The following GNA14 variants were observed in gnomAD, a reference collection of about 807,000 sequenced individuals.
GNA14 encodes guanine nucleotide-binding protein subunit alpha-14.
Under a neutral mutation model 42.0 loss-of-function variants are expected in GNA14, and 50 were observed. That is an observed-to-expected ratio of 1.19 (90% CI 0.95 to 1.51). The LOEUF is 1.51. GNA14 is among the 40% of genes most tolerant of loss of function. GNA14 has a pLI of 0.00. For synonymous variants in GNA14, 173 were observed against 163.1 expected, an observed-to-expected ratio of 1.06 and a Z score of -0.46; for missense variants, 473 against 446.2, an observed-to-expected ratio of 1.06 and a Z score of -0.54.
rs1587860897 is a variant in GNA14, at chr9:77,647,944, C to T, written c.-151G>A. On this transcript the variant is annotated 5_prime_UTR_variant, in exon 1 of 7. Coordinates refer to ENST00000341700, the MANE Select transcript of GNA14 (RefSeq NM_004297.4). ...TGAGCTTTGGAGTAAGACGCCTGGA[C>T]CTCCGAGGCTCAATCCCCCTTCGAA... The T allele has an allele frequency of 1.2e-6, 1 of 852,562 alleles. No homozygotes were observed. Among genetic ancestry groups the T allele is most frequent in the East Asian group, 2.9e-5 (1 of 34,816 alleles). The allele number at this position is 852,562 out of a possible 1,614,324, so 52.8% of individuals were successfully genotyped here.
At chr9:77,556,063 G>A (rs1411656150) in intron 1 of GNA14, among the ~76,000 whole-genome samples, 1 of 152,082 alleles carries the variant, frequency 6.6e-6, no homozygotes, top group Non-Finnish European at 1.5e-5. Flanking sequence ...TGGCCAACAT[G>A]GTGAAACCCC....
At chr9:77,478,597 C>T (rs374640798) in intron 2 of GNA14, among the ~76,000 whole-genome samples, 15 of 152,142 alleles carry the variant, frequency 9.9e-5, no homozygotes, top group African/African-American at 2.4e-4. Flanking sequence ...CCTGAGGAAT[C>T]GCCACACTGA....
chr9:77,452,210 CAA>C (rs1835913509), intron 2 of GNA14, among the ~76,000 whole-genome samples: 1 of 152,056 alleles, frequency 6.6e-6, no homozygotes, highest in Non-Finnish European at 1.5e-5. Context: ...TAGGATTCAC[CAA>C]AGTCACCCCT....
At chr9:77,537,358 C>T (rs767093940) in intron 1 of GNA14, among the ~76,000 whole-genome samples, 4 of 152,138 alleles carry the variant, frequency 2.6e-5, no homozygotes, top group Non-Finnish European at 5.9e-5. Flanking sequence ...TGGCTTATCC[C>T]ACTTAACATA....
At chr9:77,542,623 G>A (rs1325949890) in intron 1 of GNA14, among the ~76,000 whole-genome samples, 2 of 152,240 alleles carry the variant, frequency 1.3e-5, no homozygotes, top group African/African-American at 4.8e-5. Flanking sequence ...AGCAGTGATG[G>A]GGCAGCCCAG....
intron 2 of GNA14, among the ~76,000 whole-genome samples, chr9:77,509,510 T>C (rs940990731): frequency 3.3e-5 from 5 of 152,180 alleles, no homozygotes; most frequent in Non-Finnish European, 7.3e-5. Context: ...CCCAGTGAGT[T>C]TTCTAAAAAG....
At chr9:77,505,887 AAAATAGGTT>A (rs1405754592) in intron 2 of GNA14, among the ~76,000 whole-genome samples, 1 of 152,188 alleles carries the variant, frequency 6.6e-6, no homozygotes, top group Non-Finnish European at 1.5e-5. Flanking sequence ...GCCTTGGGTG[AAAATAGGTT>A]AGACCAGCAC....
At chr9:77,454,385 G>T (rs1043357855) in intron 2 of GNA14, among the ~76,000 whole-genome samples, 1 of 152,132 alleles carries the variant, frequency 6.6e-6, no homozygotes, top group African/African-American at 2.4e-5. Flanking sequence ...AGCTTGGGAG[G>T]ATAACCTTTC....
chr9:77,521,134 T>C (rs1160611283), intron 2 of GNA14, among the ~76,000 whole-genome samples: 1 of 152,200 alleles, frequency 6.6e-6, no homozygotes, highest in Non-Finnish European at 1.5e-5. Context: ...CTGCCTAGAA[T>C]TTTGGTGGAG....
intron 2 of GNA14, among the ~76,000 whole-genome samples, chr9:77,485,724 C>G (rs1836648417): frequency 6.6e-6 from 1 of 152,132 alleles, no homozygotes; most frequent in African/African-American, 2.4e-5. Flanking sequence ...CATTAATCTC[C>G]TTGTACATCT....
At chr9:77,601,635 G>A (rs1209825143) in intron 1 of GNA14, among the ~76,000 whole-genome samples, 2 of 152,168 alleles carry the variant, frequency 1.3e-5, no homozygotes, top group Non-Finnish European at 2.9e-5. Flanking sequence ...AGTTTAGGAA[G>A]AGCAGTAAAA....
intron 1 of GNA14, among the ~76,000 whole-genome samples, chr9:77,604,609 T>G (rs1823621338): frequency 6.6e-6 from 1 of 152,138 alleles, no homozygotes; most frequent in Non-Finnish European, 1.5e-5. Flanking sequence ...ATCCTGACCA[T>G]CCACCTTTCA....
intron 3 of GNA14, among the ~76,000 whole-genome samples, chr9:77,433,871 C>G (rs982840728): frequency 3.3e-5 from 5 of 152,198 alleles, no homozygotes; most frequent in Non-Finnish European, 7.3e-5. Context: ...CACTAGAGGA[C>G]AGCACCAGAT....
chr9:77,471,710 G>C (rs915318214), intron 2 of GNA14, among the ~76,000 whole-genome samples: 1 of 152,110 alleles, frequency 6.6e-6, no homozygotes, highest in African/African-American at 2.4e-5. Context: ...CCTGAGACTG[G>C]AAAGCAATCA....
chr9:77,495,379 C>T (rs1410144790), intron 2 of GNA14, among the ~76,000 whole-genome samples: 1 of 152,030 alleles, frequency 6.6e-6, no homozygotes, highest in Non-Finnish European at 1.5e-5. Context: ...GGCTAATTAG[C>T]CCTCTTAGCC....
chr9:77,463,454 C>T (rs1836154098), intron 2 of GNA14, among the ~76,000 whole-genome samples: 1 of 152,228 alleles, frequency 6.6e-6, no homozygotes, highest in East Asian at 1.9e-4. Flanking sequence ...CAGATGCTAA[C>T]CTTTGCTTTT....
At chr9:77,546,232 A>G (rs1837718786) in intron 1 of GNA14, among the ~76,000 whole-genome samples, 1 of 151,552 alleles carries the variant, frequency 6.6e-6, no homozygotes, top group Admixed American at 6.6e-5. Context: ...AAAAAAAAAA[A>G]AAAAAAAGAA....
chr9:77,521,980 G>A (rs1587815331), intron 2 of GNA14, among the ~76,000 whole-genome samples: 1 of 152,102 alleles, frequency 6.6e-6, no homozygotes, highest in Non-Finnish European at 1.5e-5. Context: ...CTACAGGCAT[G>A]CGCCACCACG....
At chr9:77,564,377 T>C (rs1423654212) in intron 1 of GNA14, among the ~76,000 whole-genome samples, 2 of 151,770 alleles carry the variant, frequency 1.3e-5, no homozygotes, top group East Asian at 1.9e-4. Context: ...TCAGGCTGCA[T>C]ACTTTAAAAA....
Sources: gnomAD v4.1 joint callset for allele counts (sites outside exome capture counted in the v4.1 genomes callset) on GRCh38, gnomAD v4.1.1 for gene constraint, MANE v1.5 for transcripts, NCBI Gene and HGNC (gene_info 2026-07-23, HGNC 2026-07-21) for gene names.